Variants in BBS9 observed in about 807,000 individuals in gnomAD.
BBS9 encodes protein PTHB1.
Under a neutral mutation model 117.7 loss-of-function variants are expected in BBS9, and 89 were observed. That is an observed-to-expected ratio of 0.76 (90% CI 0.64 to 0.90). BBS9 has a LOEUF of 0.90. Among genes scored for constraint, BBS9 ranks in the 40% least tolerant of loss-of-function variants. The pLI is 0.00. For missense variants in BBS9, 982 were observed against 1,042.2 expected (o/e 0.94, Z 0.80); for synonymous variants, 379 against 370.9 (o/e 1.02, Z -0.25).
chr7:33,493,612 G>C (rs1844322609), intron 19 of BBS9, among the ~76,000 whole-genome samples: 2 of 152,190 alleles, frequency 1.3e-5, no homozygotes, highest in South Asian at 4.1e-4. Flanking sequence ...CTGGGTGAAG[G>C]CCCAGCTGTC....
intron 21 of BBS9, among the ~76,000 whole-genome samples, chr7:33,625,047 A>T (rs921430554): frequency 5.3e-5 from 8 of 152,170 alleles, no homozygotes; most frequent in African/African-American, 1.9e-4. Flanking sequence ...CTGTTTATTG[A>T]TAAGGAGTTT....
At chr7:33,330,276 A>G (rs4723279) in intron 9 of BBS9, among the ~76,000 whole-genome samples, 25,502 of 152,034 alleles carry the variant, frequency 0.17, 2,384 homozygotes, top group South Asian at 0.21. Context: ...CAGCCTCCCA[A>G]AATGCTAGGA....
intron 21 of BBS9, among the ~76,000 whole-genome samples, chr7:33,589,769 T>G (rs369304057): frequency 6.6e-6 from 1 of 151,888 alleles, no homozygotes; most frequent in Non-Finnish European, 1.5e-5. Flanking sequence ...AAGTAAGAAG[T>G]TGGGTATGAA....
At chr7:33,248,758 A>T (rs1795770831) in intron 5 of BBS9, among the ~76,000 whole-genome samples, 1 of 152,164 alleles carries the variant, frequency 6.6e-6, no homozygotes, top group African/African-American at 2.4e-5. Context: ...TGCATGCGTA[A>T]AATGAACAAA....
At chr7:33,427,063 A>G (rs752725906) in intron 19 of BBS9, among the ~76,000 whole-genome samples, 2 of 152,160 alleles carry the variant, frequency 1.3e-5, no homozygotes, top group Non-Finnish European at 2.9e-5. Flanking sequence ...CCCTAAGCTC[A>G]GGGTTCTTCT....
intron 5 of BBS9, among the ~76,000 whole-genome samples, chr7:33,237,594 A>G (rs1325718881): frequency 5.9e-5 from 9 of 152,142 alleles, no homozygotes; most frequent in African/African-American, 1.9e-4. Flanking sequence ...TAAATATTCT[A>G]GAAAGTTTGC....
At chr7:33,365,244 C>T (rs564016919) in intron 16 of BBS9, among the ~76,000 whole-genome samples, 20 of 152,120 alleles carry the variant, frequency 1.3e-4, no homozygotes, top group African/African-American at 4.3e-4. Flanking sequence ...TTTCGTGTTT[C>T]TTGTTGCCAT....
At chr7:33,320,677 T>C (rs1234791953) in intron 9 of BBS9, among the ~76,000 whole-genome samples, 10 of 152,250 alleles carry the variant, frequency 6.6e-5, no homozygotes, top group Non-Finnish European at 1.5e-4. Flanking sequence ...CTGCTCTTCA[T>C]AGTGGTTGTA....
intron 4 of BBS9, among the ~76,000 whole-genome samples, chr7:33,171,431 G>A (rs193230364): frequency 7.4e-4 from 112 of 152,250 alleles, no homozygotes; most frequent in Non-Finnish European, 1.2e-3. Flanking sequence ...TCTTGCTTTT[G>A]TTTATACACT....
chr7:33,514,021 TA>T (rs1421108490), intron 20 of BBS9, among the ~76,000 whole-genome samples: 1 of 152,242 alleles, frequency 6.6e-6, no homozygotes, highest in Non-Finnish European at 1.5e-5. Context: ...TTTGGTACCA[TA>T]ATGTTTACAT....
At chr7:33,248,736 A>T (rs947140735) in intron 5 of BBS9, among the ~76,000 whole-genome samples, 3 of 152,008 alleles carry the variant, frequency 2.0e-5, no homozygotes, top group Admixed American at 1.3e-4. Context: ...ACAATAACAA[A>T]TTTTTTTTCC....
intron 4 of BBS9, among the ~76,000 whole-genome samples, chr7:33,173,893 CCTAT>C (rs1485286695): frequency 6.6e-6 from 1 of 152,164 alleles, no homozygotes; most frequent in Middle Eastern, 3.2e-3. Flanking sequence ...ATGACTTTTC[CCTAT>C]CTAAGTGTGC....
intron 19 of BBS9, among the ~76,000 whole-genome samples, chr7:33,504,286 G>A (rs139903186): frequency 3.3e-5 from 5 of 152,168 alleles, no homozygotes; most frequent in Non-Finnish European, 5.9e-5. Flanking sequence ...AATCTTGGTC[G>A]CCCCAGCAAT....
chr7:33,527,405 G>A (rs1230428884), intron 20 of BBS9, among the ~76,000 whole-genome samples: 2 of 152,122 alleles, frequency 1.3e-5, no homozygotes, highest in East Asian at 1.9e-4. Context: ...GCGAGACTCC[G>A]TGGGCGTAGG....
intron 5 of BBS9, among the ~76,000 whole-genome samples, chr7:33,213,035 A>G (rs115727484): frequency 2.6e-4 from 40 of 152,242 alleles, no homozygotes; most frequent in African/African-American, 9.1e-4. Flanking sequence ...ATGTTCACTC[A>G]AGGCCCTAGA....
In BBS9 at chr7:33,415,342, T is replaced by C. The variant is rs182094615; in HGVS notation, c.2115+27198T>C. 8.7e-3 allele frequency among the ~76,000 whole-genome samples: 1,331 copies of C among 152,262 alleles called. 6 individuals carry two copies. The highest frequency in any genetic ancestry group is 0.027 in the Middle Eastern group (8 of 294). On this transcript the variant is annotated intron_variant, in intron 19 of 22. Coordinates refer to ENST00000242067, the MANE Select transcript of BBS9 (RefSeq NM_198428.3). ...ATTCCTTGAGTTTGGAAAGCATGTA[T>C]AAGAGAAGATGCCTCTAAGAGACCT...
intron 16 of BBS9, among the ~76,000 whole-genome samples, chr7:33,365,343 G>C (rs1282736749): frequency 6.6e-6 from 1 of 152,182 alleles, no homozygotes; most frequent in African/African-American, 2.4e-5. Flanking sequence ...TCTATGGGAA[G>C]GTCAAGGGTG....
At chr7:33,541,209 C>G (rs1585184265) in intron 21 of BBS9, among the ~76,000 whole-genome samples, 1 of 151,582 alleles carries the variant, frequency 6.6e-6, no homozygotes. Flanking sequence ...AGGAAACTCA[C>G]CTCCTTCTGT....
At chr7:33,301,851 A>G (rs1806522741) in intron 9 of BBS9, among the ~76,000 whole-genome samples, 1 of 152,158 alleles carries the variant, frequency 6.6e-6, no homozygotes, top group Non-Finnish European at 1.5e-5. Flanking sequence ...AGGAACCTCC[A>G]AACTGCTCTC....
Sources: allele counts gnomAD v4.1 joint callset (sites outside exome capture counted in the v4.1 genomes callset), GRCh38; gene constraint gnomAD v4.1.1; transcripts MANE v1.5; gene names NCBI Gene and HGNC (gene_info 2026-07-23, HGNC 2026-07-21).